The following ACVR1 variants were observed in gnomAD, a reference collection of about 807,000 sequenced individuals.
ACVR1 encodes the protein activin A receptor type 1.
A neutral mutation model predicts 57.1 loss-of-function variants in ACVR1; 38 were observed. The observed-to-expected ratio is 0.67, with a 90% confidence interval of 0.51 to 0.87. ACVR1 has a LOEUF of 0.87. Ranked by LOEUF, ACVR1 falls within the 40% of genes least tolerant of loss-of-function variation. The probability of loss-of-function intolerance (pLI) is 0.00; values close to 1 mark genes in which losing one functional copy is unlikely to be tolerated. For synonymous variants in ACVR1, 212 were observed against 228.1 expected (o/e 0.93, Z 0.63); for missense variants, 463 against 638.2 (o/e 0.73, Z 2.96).
intron 1 of ACVR1, among the ~76,000 whole-genome samples, chr2:157,853,180 T>C (rs1166705262): frequency 2.0e-5 from 3 of 152,178 alleles, no homozygotes; most frequent in Non-Finnish European, 2.9e-5. Flanking sequence ...AATAAATAGA[T>C]TGTATTAGTC....
At position 157,760,972 on chromosome 2, in the gene ACVR1, A is replaced by G; in HGVS notation, c.1172T>C (p.Ile391Thr). The change falls in exon 9 of 11, where the codon ATC becomes ACC. Residue 391 changes from isoleucine to threonine, a missense_variant. This residue lies in a region of ACVR1 where 146 missense variants were observed against 186.6 expected (regional missense o/e 0.78). Coordinates refer to ENST00000434821, the MANE Select transcript of ACVR1 (RefSeq NM_001111067.4). ...YMAPEVLDETIQVDCFDSYKR... is the reference protein window; with the variant it reads ...YMAPEVLDETTQVDCFDSYKR... ...ATAAGAATCGAAACAATCCACCTGG[A>G]TGGTTTCATCTAGAACTTCGGGGGC... 6.2e-7 allele frequency: 1 copy of G among 1,614,166 alleles called. No homozygotes were observed. Among genetic ancestry groups the G allele is most frequent in the Non-Finnish European group, 8.5e-7 (1 of 1,180,024 alleles).
chr2:157,860,958 G>A (rs919834731), intron 1 of ACVR1, among the ~76,000 whole-genome samples: 4 of 152,154 alleles, frequency 2.6e-5, no homozygotes, highest in Non-Finnish European at 5.9e-5. Context: ...TGCCATCACT[G>A]CTGACCCAAG....
intron 1 of ACVR1, among the ~76,000 whole-genome samples, chr2:157,843,344 G>A (rs1689033021): frequency 6.6e-6 from 1 of 152,176 alleles, no homozygotes. Context: ...TATCACTAGT[G>A]CCTTGGTTTT....
At chr2:157,866,154 G>A (rs1262617138) in intron 1 of ACVR1, among the ~76,000 whole-genome samples, 3 of 152,010 alleles carry the variant, frequency 2.0e-5, no homozygotes, top group Non-Finnish European at 2.9e-5. Flanking sequence ...ATCTAGGAAC[G>A]AAAAACAAAA....
At chr2:157,771,011 A>AT (rs896246752) in intron 6 of ACVR1, among the ~76,000 whole-genome samples, 1 of 152,194 alleles carries the variant, frequency 6.6e-6, no homozygotes, top group Non-Finnish European at 1.5e-5. Context: ...TTAGATATGC[A>AT]TTTTTTCCAC....
intron 1 of ACVR1, chr2:157,860,164 A>G (rs1383318652): frequency 6.6e-6 from 1 of 152,210 alleles, no homozygotes; most frequent in Non-Finnish European, 1.5e-5. Context: ...ATTGAAGGAA[A>G]GAAGGCTGAG....
intron 1 of ACVR1, among the ~76,000 whole-genome samples, chr2:157,871,173 T>C (rs1690102709): frequency 6.6e-6 from 1 of 152,186 alleles, no homozygotes; most frequent in African/African-American, 2.4e-5. Context: ...AATGGAGGAA[T>C]GAACAACTTG....
intron 1 of ACVR1, among the ~76,000 whole-genome samples, chr2:157,833,762 AT>A (rs1688670362): frequency 6.6e-6 from 1 of 151,812 alleles, no homozygotes; most frequent in South Asian, 2.1e-4. Context: ...AGAATGGCTT[AT>A]TTTCTAACAC....
rs563803345 is a variant in ACVR1 at position 157,858,202 on chromosome 2, G to A, written c.-183+17594C>T. Among the ~76,000 whole-genome samples the A allele has an allele frequency of 1.7e-3, 252 of 152,176 alleles. 1 individual carries two copies. The highest frequency in any genetic ancestry group is 3.0e-3 in the Non-Finnish European group (202 of 68,012). ...CTTACTGGGTTCTCAGGGCTACCTG[G>A]GAGGAGCCTTCCCTTCCTCTCTATG... On this transcript the variant is annotated intron_variant, in intron 1 of 10. Transcript: ENST00000434821.
intron 2 of ACVR1, among the ~76,000 whole-genome samples, chr2:157,813,118 CACAA>C (rs1180307705): frequency 2.6e-5 from 4 of 151,442 alleles, no homozygotes; most frequent in African/African-American, 4.9e-5. Flanking sequence ...ATTTTTAAAA[CACAA>C]ACACACACAC....
Position 157,760,999 on chromosome 2 carries a change from A to G in ACVR1, c.1145T>C (p.Met382Thr). ...NNPRVGTKRYMAPEVLDETIQ... is the reference protein window; with the variant it reads ...NNPRVGTKRYTAPEVLDETIQ... ...GGTTTCATCTAGAACTTCGGGGGCCATGTAGCGCTTGGTGCCCACACGGGG... is the reference window on the plus strand; with the variant it reads ...GGTTTCATCTAGAACTTCGGGGGCCGTGTAGCGCTTGGTGCCCACACGGGG... The change falls in exon 9 of 11, where the codon ATG becomes ACG. Residue 382 changes from methionine to threonine, a missense_variant. By Grantham distance (81) the Met-to-Thr change is moderately conservative. This residue lies in a region of ACVR1 where 146 missense variants were observed against 186.6 expected (regional missense o/e 0.78). Coordinates refer to ENST00000434821, the MANE Select transcript of ACVR1 (RefSeq NM_001111067.4). The G allele has an allele frequency of 6.2e-7, 1 of 1,614,128 alleles. No homozygotes were observed. Among genetic ancestry groups the G allele is most frequent in the Non-Finnish European group, 8.5e-7 (1 of 1,180,014 alleles).
At chr2:157,855,309 T>G (rs1469924084) in intron 1 of ACVR1, among the ~76,000 whole-genome samples, 1 of 35,476 alleles carries the variant, frequency 2.8e-5, no homozygotes, top group Non-Finnish European at 7.9e-5. Context: ...TGTGTGTGTG[T>G]ATATATATAT....
chr2:157,780,531 T>G lies in ACVR1; in HGVS notation c.137A>C (p.Asp46Ala), dbSNP rs1219780031. Reference protein sequence around the residue: ...VCEGLSCGNEDHCEGQQCFSS... With the variant: ...VCEGLSCGNEAHCEGQQCFSS... ...AAAGCACTGCTGGCCTTCACAGTGG[T>G]CCTCATTACCGCAGGAGAGACCTTC... is the stretch of plus-strand genomic sequence containing the variant. Residue 46 changes from aspartate (D) to alanine (A), a missense_variant, in exon 4 of 11, where the codon GAC (aspartate) becomes GCC (alanine). Around this residue, in one of 3 missense-constraint regions of ACVR1, gnomAD observed 203 missense variants for 235.5 expected, o/e 0.86. Coordinates refer to ENST00000434821, the MANE Select transcript of ACVR1 (RefSeq NM_001111067.4). The G allele has an allele frequency of 6.2e-7, 1 of 1,613,552 alleles. No individual in the cohort carries two copies. The highest frequency in any genetic ancestry group is 8.5e-7 in the Non-Finnish European group (1 of 1,179,954).
intron 2 of ACVR1, among the ~76,000 whole-genome samples, chr2:157,813,634 G>C (rs1001216385): frequency 1.3e-5 from 2 of 152,164 alleles, no homozygotes; most frequent in Admixed American, 1.3e-4. Flanking sequence ...GATAATCACA[G>C]CAACAATTAC....
At chr2:157,804,288 G>A (rs1418391282) in intron 2 of ACVR1, among the ~76,000 whole-genome samples, 1 of 152,134 alleles carries the variant, frequency 6.6e-6, no homozygotes, top group Non-Finnish European at 1.5e-5. Context: ...AAATGACACT[G>A]TTCTACAGTT....
intron 7 of ACVR1, among the ~76,000 whole-genome samples, chr2:157,768,953 C>A (rs759732181): frequency 1.3e-5 from 2 of 152,118 alleles, no homozygotes; most frequent in African/African-American, 4.8e-5. Flanking sequence ...TACACAGAGA[C>A]GTTTAACTGC....
chr2:157,737,659 T>G lies in ACVR1; in HGVS notation c.1402A>C (p.Thr468Pro). The G allele has an allele frequency of 6.2e-7, 1 of 1,613,920 alleles. No homozygotes were observed. Among genetic ancestry groups the G allele is most frequent in the Non-Finnish European group, 8.5e-7 (1 of 1,179,926 alleles). The change falls in exon 11 of 11, where the codon ACC (threonine) becomes CCC (proline). Residue 468 changes from threonine to proline, a missense_variant. Physicochemically the swap from Thr to Pro is conservative, Grantham distance 38 (BLOSUM62 -1). Around this residue, in one of 3 missense-constraint regions of ACVR1, gnomAD observed 146 missense variants for 186.6 expected, o/e 0.78. Transcript: ENST00000434821. ...TCTTTCATTAGCTTGGCCAGAGAGG[T>G]TAATGTCTGAGGAGAGAAAGAACAA... is the stretch of plus-strand genomic sequence containing the variant. ...PNRWFSDPTL[T>P]SLAKLMKECW...
At chr2:157,789,453 C>A (rs1302078793) in intron 3 of ACVR1, among the ~76,000 whole-genome samples, 1 of 152,230 alleles carries the variant, frequency 6.6e-6, no homozygotes, top group Non-Finnish European at 1.5e-5. Flanking sequence ...CGCAGATTCC[C>A]TCTGGCTCCT....
At chr2:157,820,669 C>T (rs539470137) in intron 1 of ACVR1, among the ~76,000 whole-genome samples, 1 of 151,980 alleles carries the variant, frequency 6.6e-6, no homozygotes, top group Non-Finnish European at 1.5e-5. Flanking sequence ...TCTCATCCTT[C>T]AAGACAGTGT....
Sources: allele counts gnomAD v4.1 joint callset (sites outside exome capture counted in the v4.1 genomes callset), GRCh38; gene constraint gnomAD v4.1.1; regional missense constraint gnomAD v4.1.1; transcripts MANE v1.5; gene names NCBI Gene and HGNC (gene_info 2026-07-23, HGNC 2026-07-21).